PLEKHN1: variants seen among roughly 807,000 people sequenced by gnomAD.
PLEKHN1 encodes pleckstrin homology domain containing N1, also known as pleckstrin homology domain-containing family N member 1.
In PLEKHN1, 68 loss-of-function variants were observed where a neutral mutation model predicts 72.8. The ratio of observed to expected loss-of-function variants is 0.93; its 90% CI spans 0.77 to 1.14. PLEKHN1 has a LOEUF of 1.14. Ranked by LOEUF, PLEKHN1 falls within the 50% of genes most tolerant of loss-of-function variation. The pLI, the probability that PLEKHN1 is intolerant of heterozygous loss-of-function variation, is 0.00. For synonymous variants in PLEKHN1, 454 were observed against 371.6 expected (o/e 1.22, Z -2.55); for missense variants, 1,015 against 840.5 (o/e 1.21, Z -2.57).
rs1339541850 is a variant in PLEKHN1 at position 970,879 on chromosome 1, G to A, written c.485G>A (p.Gly162Asp). 1.2e-6 allele frequency: 2 copies of A among 1,611,118 alleles called. No homozygotes were observed. Among genetic ancestry groups the A allele is most frequent in the African/African-American group, 1.3e-5 (1 of 74,858 alleles). Reference protein sequence around the residue: ...GSREHAFQITGPLPAPLLVLC... With the variant: ...GSREHAFQITDPLPAPLLVLC... ...TGTGCCCTCTCTGCCCTGCCCGCAGGCCCACTGCCCGCACCCCTCCTGGTG... is the reference window on the plus strand; with the variant it reads ...TGTGCCCTCTCTGCCCTGCCCGCAGACCCACTGCCCGCACCCCTCCTGGTG... Residue 162 changes from glycine (G) to aspartate (D), a missense_variant and splice_region_variant, in exon 6 of 16, where the codon GGC becomes GAC. Gly to Asp is a moderately conservative substitution (Grantham distance 94). Transcript: ENST00000379410. This position sits in a 1 kb window ranked among gnomAD's most constrained non-coding sequence, Gnocchi z 4.2.
At position 972,147 on chromosome 1, in the gene PLEKHN1, G is replaced by A; in HGVS notation, c.862G>A (p.Glu288Lys). ...KEKQIRSFLI[E>K]GPLINTIRVV... Reference sequence around the variant, plus strand: ...GAAGCAGATCCGCTCCTTCCTGATTGAAGGTAGGGCCCTGACCCTGGTTCT... The same window carrying A: ...GAAGCAGATCCGCTCCTTCCTGATTAAAGGTAGGGCCCTGACCCTGGTTCT... Residue 288 changes from glutamate (E) to lysine (K), a missense_variant, in exon 9 of 16, where the codon GAA (glutamate) becomes AAA (lysine). Transcript: ENST00000379410. 1 of 1,613,008 alleles carries A rather than the reference G, an allele frequency of 6.2e-7. No homozygotes were observed. The highest frequency in any genetic ancestry group is 8.5e-7 in the Non-Finnish European group (1 of 1,179,856).
Position 966,767 on chromosome 1 carries a change from C to T in PLEKHN1, c.147C>T (p.Ala49=), listed in dbSNP as rs778246982. Residue 49 remains alanine (A), a synonymous_variant, in exon 2 of 16, where the codon GCC becomes GCT. Transcript: ENST00000379410. ...PGPEAARSGD[A]AANKLFHYIP... ...CCGAGGCTGCTCGAAGCGGGGACGCCGCCGCCAACAAGCTCTTCCACTACA... is the reference window on the plus strand; with the variant it reads ...CCGAGGCTGCTCGAAGCGGGGACGCTGCCGCCAACAAGCTCTTCCACTACA... 5.1e-6 allele frequency: 8 copies of T among 1,571,936 alleles called. No homozygotes were observed. Among genetic ancestry groups the T allele is most frequent in the South Asian group, 2.3e-5 (2 of 86,430 alleles).
Position 971,144 on chromosome 1 carries a change from G to A in PLEKHN1, c.644G>A (p.Gly215Glu). Residue 215 changes from glycine to glutamate, a missense_variant, in exon 7 of 16, where the codon GGG becomes GAG. By Grantham distance (98) the Gly-to-Glu change is moderately conservative. Coordinates refer to ENST00000379410, the MANE Select transcript of PLEKHN1 (RefSeq NM_032129.3). Reference protein sequence around the residue: ...RRLTRLRTASGHEPGGSAVCA... With the variant: ...RRLTRLRTASEHEPGGSAVCA... ...CTAACCCGGCTGCGGACGGCGTCAG[G>A]GCACGAACCCGGCGGCAGTGCTGTC... The A allele has an allele frequency of 1.2e-6, 2 of 1,601,188 alleles. No homozygotes were observed. Among genetic ancestry groups the A allele is most frequent in the Non-Finnish European group, 1.7e-6 (2 of 1,174,904 alleles).
rs1642981431 is a variant in PLEKHN1 at position 966,502 on chromosome 1, C to T, written c.-30C>T. ...GGGGCAGGAGGCTGTGGACAGGGAC[C>T]CAGACTTGCCGACCTGTACGACTCT... On this transcript the variant is annotated 5_prime_UTR_variant, in exon 1 of 16. Coordinates refer to ENST00000379410, the MANE Select transcript of PLEKHN1 (RefSeq NM_032129.3). The T allele has an allele frequency of 6.3e-7, 1 of 1,576,970 alleles. No individual in the cohort carries two copies. The highest frequency in any genetic ancestry group is 1.8e-5 in the Admixed American group (1 of 57,076).
rs912630816 is a variant in PLEKHN1, at chr1:972,871, G to A, written c.1013G>A (p.Ser338Asn). Reference protein sequence around the residue: ...ESFPGSQVMGSGRGSLSSGGQ... With the variant: ...ESFPGSQVMGNGRGSLSSGGQ... ...TCACTGCCCATCCAGGTTATGGGCA[G>A]TGGCCGAGGCTCACTCTCCTCAGGC... Residue 338 changes from serine to asparagine, a missense_variant, in exon 11 of 16, where the codon AGT (serine) becomes AAT (asparagine). Physicochemically the swap from Ser to Asn is conservative, Grantham distance 46. Coordinates refer to ENST00000379410, the MANE Select transcript of PLEKHN1 (RefSeq NM_032129.3). 2 of 1,552,918 alleles carry A rather than the reference G, an allele frequency of 1.3e-6. No homozygotes were observed. Among genetic ancestry groups the A allele is most frequent in the Non-Finnish European group, 1.7e-6 (2 of 1,148,314 alleles).
intron 2 of PLEKHN1, among the ~76,000 whole-genome samples, chr1:969,524 G>A (rs1455335462): frequency 6.6e-6 from 1 of 152,116 alleles, no homozygotes; most frequent in East Asian, 1.9e-4. Context: ...GCATGTGTAT[G>A]TGTGCACGTG....
chr1:969,607 CGT>C (rs1203590716), intron 2 of PLEKHN1, among the ~76,000 whole-genome samples: 7 of 151,084 alleles, frequency 4.6e-5, no homozygotes, highest in South Asian at 2.1e-4. Flanking sequence ...CATGTATGCA[CGT>C]GTGTGCATAT....
intron 2 of PLEKHN1, among the ~76,000 whole-genome samples, chr1:969,224 C>T (rs1004353429): frequency 7.2e-5 from 11 of 152,364 alleles, no homozygotes; most frequent in Middle Eastern, 3.4e-3. Flanking sequence ...AGCCATGTTA[C>T]ACAGCTTAGG....
chr1:974,432 T>G lies in PLEKHN1; in HGVS notation c.1703-10T>G, dbSNP rs781236485. 56 of 1,612,682 alleles carry G rather than the reference T, an allele frequency of 3.5e-5. 1 individual carries two copies. The highest frequency in any genetic ancestry group is 3.3e-4 in the South Asian group (30 of 91,088). On this transcript the variant is annotated splice_polypyrimidine_tract_variant and intron_variant, in intron 15 of 15. Coordinates refer to ENST00000379410, the MANE Select transcript of PLEKHN1 (RefSeq NM_032129.3). Reference sequence around the variant, plus strand: ...CCCACAGGCTGACACATCTCTGCCTTCCCTACCAGATGGTCGGTCCCCCAG... The same window carrying G: ...CCCACAGGCTGACACATCTCTGCCTGCCCTACCAGATGGTCGGTCCCCCAG...
chr1:973,593 C>T lies in PLEKHN1; in HGVS notation c.1387C>T (p.Pro463Ser), dbSNP rs1196891691. ...SPLYADPYTP[P>S]ATSHRRVTDV... is the part of the protein sequence containing the mutation. ...CCTCTATGCCGACCCCTACACACCA[C>T]CCGCCACCTCCCACCGCAGGGTCAC... Residue 463 changes from proline to serine, a missense_variant, in exon 13 of 16, where the codon CCC (proline) becomes TCC (serine). By Grantham distance (74) the Pro-to-Ser change is moderately conservative (BLOSUM62 -1). Transcript: ENST00000379410. 1.2e-6 allele frequency: 2 copies of T among 1,613,112 alleles called. No homozygotes were observed. Among genetic ancestry groups the T allele is most frequent in the African/African-American group, 2.7e-5 (2 of 74,904 alleles).
rs1387831275 is a variant in PLEKHN1, at chr1:974,560, T to C, written c.1821T>C (p.Leu607=). ...GAGGGCCTGAGGCCAGTGGGGGGCT[T>C]GTGCAGTGGATCTGATGGCCGCGGT... ...QLGGPEASGG[L]VQWI Residue 607 remains leucine (L), a synonymous_variant, in exon 16 of 16, where the codon CTT becomes CTC. Transcript: ENST00000379410. The C allele has an allele frequency of 3.1e-6, 5 of 1,611,686 alleles. No homozygotes were observed. Among genetic ancestry groups the C allele is most frequent in the African/African-American group, 2.7e-5 (2 of 74,920 alleles).
At chr1:971,585 C>T (rs571936652) in intron 8 of PLEKHN1, 181 bp downstream of exon 8, 12 of 636,652 alleles carry the variant, frequency 1.9e-5, no homozygotes, top group South Asian at 5.5e-5. Context: ...AGCCCCTGCC[C>T]GCCCTGAGGT....
chr1:973,862 A>G lies in PLEKHN1; in HGVS notation c.1464A>G (p.Gly488=), dbSNP rs3829739. ...EFLSAMQSAR[G]PTPSSPLPSV... ...TCAGTGCCATGCAGAGTGCACGTGG[A>G]CCCACGCCCTCGAGCCCACTCCCCT... Residue 488 remains glycine (G), a synonymous_variant, in exon 14 of 16, where the codon GGA becomes GGG. Coordinates refer to ENST00000379410, the MANE Select transcript of PLEKHN1 (RefSeq NM_032129.3). The G allele has an allele frequency of 0.038, 61,976 of 1,610,226 alleles. 3,867 individuals carry two copies. The highest frequency in any genetic ancestry group is 0.23 in the African/African-American group (17,523 of 74,896).
Position 966,725 on chromosome 1 carries a change from G to C in PLEKHN1, c.105G>C (p.Ser35=), listed in dbSNP as rs759715978. 2 of 1,573,654 alleles carry C rather than the reference G, an allele frequency of 1.3e-6. No homozygotes were observed. The highest frequency in any genetic ancestry group is 1.4e-5 in the African/African-American group (1 of 73,858). ...KGNREDSARM[S]AGLPGPEAAR... ...CCAGAGAGGACAGCGCGCGGATGTC[G>C]GCCGGCCTGCCGGGCCCCGAGGCTG... Residue 35 remains serine, a synonymous_variant, in exon 2 of 16, where the codon TCG becomes TCC. Coordinates refer to ENST00000379410, the MANE Select transcript of PLEKHN1 (RefSeq NM_032129.3).
intron 2 of PLEKHN1, among the ~76,000 whole-genome samples, chr1:968,785 G>A (rs28391282): frequency 0.065 from 9,855 of 152,258 alleles, 747 homozygotes; most frequent in African/African-American, 0.17. Flanking sequence ...TAAGGAGGGG[G>A]GTCAGGACTG....
At position 974,556 on chromosome 1, in the gene PLEKHN1, G is replaced by A; in HGVS notation, c.1817G>A (p.Gly606Glu). The change falls in exon 16 of 16, where the codon GGG (glycine) becomes GAG (glutamate). Residue 606 changes from glycine (G) to glutamate (E), a missense_variant. By Grantham distance (98) the Gly-to-Glu change is moderately conservative. Transcript: ENST00000379410. Reference protein sequence around the residue: ...PQLGGPEASGGLVQWI With the variant: ...PQLGGPEASGELVQWI Reference sequence around the variant, plus strand: ...CTTGGAGGGCCTGAGGCCAGTGGGGGGCTTGTGCAGTGGATCTGATGGCCG... The same window carrying A: ...CTTGGAGGGCCTGAGGCCAGTGGGGAGCTTGTGCAGTGGATCTGATGGCCG... 3 of 1,611,986 alleles carry A rather than the reference G, an allele frequency of 1.9e-6. No individual in the cohort carries two copies. Among genetic ancestry groups the A allele is most frequent in the Non-Finnish European group, 2.5e-6 (3 of 1,179,690 alleles).
In PLEKHN1 at chr1:966,754, G is replaced by C. The variant is rs370128139; in HGVS notation, c.134G>C (p.Arg45Pro). 1.9e-6 allele frequency: 3 copies of C among 1,574,982 alleles called. No individual in the cohort carries two copies. The highest frequency in any genetic ancestry group is 2.6e-6 in the Non-Finnish European group (3 of 1,161,322). Residue 45 changes from arginine to proline, a missense_variant, in exon 2 of 16, where the codon CGA becomes CCA. Arg to Pro is a moderately radical substitution (Grantham distance 103, BLOSUM62 -2). Transcript: ENST00000379410. ...SAGLPGPEAA[R>P]SGDAAANKLF... is the part of the protein sequence containing the mutation. ...GGCCTGCCGGGCCCCGAGGCTGCTC[G>C]AAGCGGGGACGCCGCCGCCAACAAG...
Position 974,026 on chromosome 1 carries a change from C to T in PLEKHN1, c.1628C>T (p.Pro543Leu), listed in dbSNP as rs149299504. 172 of 1,596,820 alleles carry T rather than the reference C, an allele frequency of 1.1e-4. No homozygotes were observed. Among genetic ancestry groups the T allele is most frequent in the African/African-American group, 4.0e-4 (30 of 74,720 alleles). ...CGGGGCTCAGCCAAGGATGGGGGGCCGCAGCCCCCAGACGCCCCTCAGCTT... is the reference window on the plus strand; with the variant it reads ...CGGGGCTCAGCCAAGGATGGGGGGCTGCAGCCCCCAGACGCCCCTCAGCTT... ...RHRGSAKDGG[P>L]QPPDAPQLVS... Residue 543 changes from proline to leucine, a missense_variant, in exon 14 of 16, where the codon CCG becomes CTG. Coordinates refer to ENST00000379410, the MANE Select transcript of PLEKHN1 (RefSeq NM_032129.3).
rs1570056924 is a variant in PLEKHN1 at position 974,763 on chromosome 1, T to C, written c.*188T>C. 1.7e-6 allele frequency: 1 copy of C among 573,376 alleles called. No individual in the cohort carries two copies. The allele number at this position is 573,376 out of a possible 1,614,324, so 35.5% of individuals were successfully genotyped here. The stretch of plus-strand genomic sequence containing the variant: ...TGCCAGCAGCTGGGGCAGGGAAGGG[T>C]GGGAGGGGCCCCATCCAAAGGATGC... On this transcript the variant is annotated 3_prime_UTR_variant, in exon 16 of 16. Transcript: ENST00000379410.
Sources: allele counts gnomAD v4.1 joint callset (sites outside exome capture counted in the v4.1 genomes callset), GRCh38; gene constraint gnomAD v4.1.1; non-coding constraint Gnocchi (gnomAD v3.1); transcripts MANE v1.5; gene names NCBI Gene and HGNC (gene_info 2026-07-23, HGNC 2026-07-21).